COL5A1: variants seen among roughly 807,000 people sequenced by gnomAD.
COL5A1 encodes the protein collagen alpha-1(V) chain.
In COL5A1, 16 loss-of-function variants were observed where a neutral mutation model predicts 263.7. The ratio of observed to expected loss-of-function variants is 0.06; its 90% confidence interval spans 0.04 to 0.09. The LOEUF is 0.09. Ranked by LOEUF, COL5A1 falls within the 10% of genes least tolerant of loss-of-function variation. COL5A1 has a pLI of 1.00. For missense variants in COL5A1, 2,036 were observed against 2,540.5 expected, an observed-to-expected ratio of 0.80 and a Z score of 4.27; for synonymous variants, 1,012 against 1,004.5, an observed-to-expected ratio of 1.01 and a Z score of -0.14.
At chr9:134,778,919 G>A (rs527638383) in intron 27 of COL5A1, among the ~76,000 whole-genome samples, 11 of 152,368 alleles carry the variant, frequency 7.2e-5, no homozygotes, top group African/African-American at 2.6e-4. Context: ...AGTTACATCC[G>A]CAGCTCCTTG....
intron 1 of COL5A1, among the ~76,000 whole-genome samples, chr9:134,645,071 G>C (rs1006755079): frequency 3.3e-5 from 5 of 152,152 alleles, no homozygotes; most frequent in African/African-American, 1.2e-4. Flanking sequence ...CAGATTTGCC[G>C]GAGGGGTTGG....
Position 134,768,641 on chromosome 9 carries a change from A to C in COL5A1, c.2286+178A>C, listed in dbSNP as rs146398092. 5.8e-3 allele frequency among the ~76,000 whole-genome samples: 878 copies of C among 152,288 alleles called. 12 individuals are homozygous for C. The highest frequency in any genetic ancestry group is 0.02 in the African/African-American group (841 of 41,558). ...GCTCGGTCATTCTTGGGTTCTGGAC[A>C]CCCTTAACATCATGGATTTTAATCA... On this transcript the variant is annotated intron_variant, in intron 25 of 65. Coordinates refer to ENST00000371817, the MANE Select transcript of COL5A1 (RefSeq NM_000093.5).
intron 49 of COL5A1, among the ~76,000 whole-genome samples, chr9:134,814,324 G>A (rs1023109376): frequency 2.0e-5 from 3 of 152,140 alleles, no homozygotes; most frequent in African/African-American, 4.8e-5. Context: ...CTGTCACCTC[G>A]TCCCCCCGGA....
chr9:134,767,483 A>G (rs938307398), intron 24 of COL5A1, 129 bp downstream of exon 24: 1 of 839,648 alleles, frequency 1.2e-6, no homozygotes, highest in Admixed American at 2.1e-5. Context: ...GAGACGCCAA[A>G]GCTCAGAGTG....
chr9:134,724,659 C>T (rs1474054447), intron 4 of COL5A1, among the ~76,000 whole-genome samples: 1 of 152,206 alleles, frequency 6.6e-6, no homozygotes, highest in African/African-American at 2.4e-5. Context: ...CCAGCCCTTC[C>T]CAGAACACTG....
intron 64 of COL5A1, among the ~76,000 whole-genome samples, chr9:134,831,241 C>G (rs1229726012): frequency 6.6e-6 from 1 of 152,240 alleles, no homozygotes; most frequent in Non-Finnish European, 1.5e-5. Flanking sequence ...AACCTGAAGG[C>G]ATTCACAGCT....
chr9:134,793,534 C>T (rs1037009560), intron 32 of COL5A1, among the ~76,000 whole-genome samples: 2 of 152,192 alleles, frequency 1.3e-5, no homozygotes, highest in Non-Finnish European at 2.9e-5. Flanking sequence ...ACTGCCAGGG[C>T]CCCAGCGCCT....
In COL5A1 at chr9:134,758,197, C is replaced by G; in HGVS notation, c.1882-46C>G. On this transcript the variant is annotated intron_variant, in intron 17 of 65. Transcript: ENST00000371817. This position sits in a 1 kb window ranked among gnomAD's most constrained non-coding sequence, Gnocchi z 4.1. ...GGTGGACACCAAGGCGGGGTGTCCA[C>G]GTGTGCAGGGTGGCGTCTGAGGCAG... is the stretch of plus-strand genomic sequence containing the variant. 1 of 1,608,056 alleles carries G rather than the reference C, an allele frequency of 6.2e-7. No individual in the cohort carries two copies. Among genetic ancestry groups the G allele is most frequent in the Admixed American group, 1.7e-5 (1 of 60,000 alleles).
At chr9:134,744,882 C>T (rs1835452458) in intron 11 of COL5A1, among the ~76,000 whole-genome samples, 1 of 151,122 alleles carries the variant, frequency 6.6e-6, no homozygotes, top group South Asian at 2.1e-4. Context: ...CACTCACACA[C>T]CTGCACACAC....
intron 4 of COL5A1, among the ~76,000 whole-genome samples, chr9:134,719,637 G>A (rs1461343871): frequency 6.6e-6 from 1 of 152,250 alleles, no homozygotes; most frequent in Non-Finnish European, 1.5e-5. Context: ...TCATCTCATG[G>A]CCAGGGCAGG....
At chr9:134,763,615 C>G in intron 19 of COL5A1, 78 bp from the exon 20 acceptor site, 1 of 1,453,236 alleles carries the variant, frequency 6.9e-7, no homozygotes, top group African/African-American at 1.4e-5. Flanking sequence ...CCAGAGAACC[C>G]TTGTGCACCA....
intron 4 of COL5A1, 75 bp from the exon 5 acceptor site, chr9:134,727,191 A>G: frequency 1.3e-6 from 2 of 1,514,972 alleles, no homozygotes; most frequent in Non-Finnish European, 1.8e-6. Context: ...GCTTCAAGGC[A>G]TGGGGCTGTG....
Position 134,766,504 on chromosome 9 carries a change from T to A in COL5A1, c.2133+6T>A. 1 of 1,614,016 alleles carries A rather than the reference T, an allele frequency of 6.2e-7. No homozygotes were observed. The highest frequency in any genetic ancestry group is 8.5e-7 in the Non-Finnish European group (1 of 1,179,982). On this transcript the variant is annotated splice_donor_region_variant and intron_variant, in intron 22 of 65. Transcript: ENST00000371817. ...CGGGGCCAAAAGGAAATGTGGTAAG[T>A]CCCTGGGGTCCCGTGGCCTGGCTTC... is the stretch of plus-strand genomic sequence containing the variant.
chr9:134,675,584 A>G (rs1832662636), intron 1 of COL5A1, among the ~76,000 whole-genome samples: 1 of 152,180 alleles, frequency 6.6e-6, no homozygotes, highest in African/African-American at 2.4e-5. Context: ...CTGGTGGCTT[A>G]ATAGCATCCT....
intron 27 of COL5A1, among the ~76,000 whole-genome samples, chr9:134,778,901 G>A (rs1345835645): frequency 2.0e-5 from 3 of 152,244 alleles, no homozygotes; most frequent in African/African-American, 7.2e-5. Flanking sequence ...AGTGGAAGGC[G>A]TTTCTGCAGT....
At chr9:134,745,891 C>G (rs1005385114) in intron 11 of COL5A1, among the ~76,000 whole-genome samples, 5 of 152,182 alleles carry the variant, frequency 3.3e-5, no homozygotes, top group African/African-American at 1.2e-4. Context: ...GTCCTCTGCC[C>G]TTGTAGCTTG....
chr9:134,735,433 C>T (rs1310633640), intron 9 of COL5A1, among the ~76,000 whole-genome samples: 7 of 147,320 alleles, frequency 4.8e-5, no homozygotes, highest in African/African-American at 1.7e-4. Context: ...TCTCGTTCCT[C>T]TTTCGCTGGG....
intron 9 of COL5A1, 118 bp downstream of exon 9, chr9:134,732,245 T>C (rs1834914880): frequency 9.8e-7 from 1 of 1,018,582 alleles, no homozygotes; most frequent in Non-Finnish European, 1.6e-6. Flanking sequence ...ACTGGGTCAC[T>C]TCGAGCAACC....
chr9:134,726,587 G>A (rs1023058949), intron 4 of COL5A1, among the ~76,000 whole-genome samples: 1 of 151,986 alleles, frequency 6.6e-6, no homozygotes, highest in Non-Finnish European at 1.5e-5. Flanking sequence ...TGGAGGAGTG[G>A]ATGGATAGAG....
Sources: gnomAD v4.1 joint callset for allele counts (sites outside exome capture counted in the v4.1 genomes callset) on GRCh38, gnomAD v4.1.1 for gene constraint, Gnocchi (gnomAD v3.1) non-coding constraint, MANE v1.5 for transcripts, NCBI Gene and HGNC (gene_info 2026-07-23, HGNC 2026-07-21) for gene names.